FAM135B: variants seen among roughly 807,000 people sequenced by gnomAD.
FAM135B encodes protein FAM135B.
Under a neutral mutation model 127.7 loss-of-function variants are expected in FAM135B, and 43 were observed. The observed-to-expected ratio is 0.34, with a 90% confidence interval of 0.26 to 0.43. The LOEUF is 0.43. FAM135B is among the 20% of genes least tolerant of loss of function. The probability of loss-of-function intolerance (pLI) is 1.00; values close to 1 mark genes in which losing one functional copy is unlikely to be tolerated. For missense variants in FAM135B, 1,558 were observed against 1,725.6 expected, an observed-to-expected ratio of 0.90 and a Z score of 1.72; for synonymous variants, 670 against 665.1, an observed-to-expected ratio of 1.01 and a Z score of -0.11.
intron 1 of FAM135B, among the ~76,000 whole-genome samples, chr8:138,482,034 G>A (rs2131681933): frequency 6.6e-6 from 1 of 152,334 alleles, no homozygotes; most frequent in African/African-American, 2.4e-5. Context: ...TAGTGTATGG[G>A]CTACATTGTC....
intron 1 of FAM135B, among the ~76,000 whole-genome samples, chr8:138,434,637 T>C (rs1835364985): frequency 6.6e-6 from 1 of 152,192 alleles, no homozygotes; most frequent in African/African-American, 2.4e-5. Flanking sequence ...CACAGTTCTC[T>C]TTGGAGATGA....
chr8:138,491,695 G>C (rs1229890129), intron 1 of FAM135B, among the ~76,000 whole-genome samples: 4 of 152,144 alleles, frequency 2.6e-5, no homozygotes, highest in Non-Finnish European at 5.9e-5. Flanking sequence ...GTTCAACAGT[G>C]AACTACGTAA....
chr8:138,413,693 G>GCC (rs1833987489), intron 1 of FAM135B, among the ~76,000 whole-genome samples: 1 of 151,986 alleles, frequency 6.6e-6, no homozygotes, highest in Non-Finnish European at 1.5e-5. Flanking sequence ...AAATCTGAAA[G>GCC]CTACTCAATT....
chr8:138,439,448 C>T (rs1835641231), intron 1 of FAM135B: 2 of 152,152 alleles, frequency 1.3e-5, no homozygotes, highest in Admixed American at 1.3e-4. Flanking sequence ...TTACAAACAC[C>T]AGTCTCATCT....
chr8:138,245,588 C>A (rs539854411), intron 6 of FAM135B, among the ~76,000 whole-genome samples: 2 of 152,150 alleles, frequency 1.3e-5, no homozygotes, highest in African/African-American at 4.8e-5. Context: ...ACCTCTGCCC[C>A]GCAGAACTGT....
chr8:138,249,971 G>A (rs1037316880), intron 6 of FAM135B, among the ~76,000 whole-genome samples: 1 of 152,188 alleles, frequency 6.6e-6, no homozygotes, highest in African/African-American at 2.4e-5. Context: ...TGTCAGTTCT[G>A]TCCCTCTACT....
In FAM135B at chr8:138,166,114, G is replaced by A. The variant is rs1225429592; in HGVS notation, c.1258+1781C>T. 2.0e-5 allele frequency among the ~76,000 whole-genome samples: 3 copies of A among 152,176 alleles called. No homozygotes were observed. In the East Asian group the frequency reaches 5.8e-4, roughly 29 times the overall value. On this transcript the variant is annotated intron_variant, in intron 12 of 19. Coordinates refer to ENST00000395297, the MANE Select transcript of FAM135B (RefSeq NM_015912.4). ...GAACGTCGGCTTTAATAAGCCTTGT[G>A]ATCTTTAATACATGCTTATACTTAG...
At chr8:138,341,023 G>C (rs376199487) in intron 2 of FAM135B, among the ~76,000 whole-genome samples, 1 of 152,192 alleles carries the variant, frequency 6.6e-6, no homozygotes, top group African/African-American at 2.4e-5. Context: ...ACCTAGGAGA[G>C]AAACTGAAAC....
intron 1 of FAM135B, among the ~76,000 whole-genome samples, chr8:138,388,222 C>T (rs879059211): frequency 6.6e-6 from 1 of 152,140 alleles, no homozygotes; most frequent in South Asian, 2.1e-4. Flanking sequence ...TTAGAAGTGC[C>T]AAAATCCAGG....
At chr8:138,307,081 A>C (rs1826317919) in intron 3 of FAM135B, among the ~76,000 whole-genome samples, 2 of 152,174 alleles carry the variant, frequency 1.3e-5, no homozygotes, top group Admixed American at 6.5e-5. Flanking sequence ...GGCACCTGAC[A>C]TGGTTTTGCT....
intron 6 of FAM135B, among the ~76,000 whole-genome samples, chr8:138,247,765 G>A (rs189690760): frequency 6.6e-6 from 1 of 152,118 alleles, no homozygotes; most frequent in Non-Finnish European, 1.5e-5. Flanking sequence ...ATCTTACCAG[G>A]TAACTCTACT....
At chr8:138,244,498 G>A (rs1013832233) in intron 6 of FAM135B, among the ~76,000 whole-genome samples, 1 of 152,156 alleles carries the variant, frequency 6.6e-6, no homozygotes, top group Non-Finnish European at 1.5e-5. Context: ...GGGTCCCATG[G>A]GATAAGCCAG....
chr8:138,286,915 C>T (rs78893955), intron 3 of FAM135B, among the ~76,000 whole-genome samples: 7,617 of 152,314 alleles, frequency 0.05, 262 homozygotes, highest in Non-Finnish European at 0.076. Flanking sequence ...CCAGGCCCAC[C>T]AGTTTACTTC....
chr8:138,286,016 C>T (rs1278797936), intron 3 of FAM135B, among the ~76,000 whole-genome samples: 1 of 152,130 alleles, frequency 6.6e-6, no homozygotes, highest in African/African-American at 2.4e-5. Flanking sequence ...CTTCATAGAA[C>T]TTACACTATA....
At chr8:138,370,979 A>G (rs965187701) in intron 1 of FAM135B, among the ~76,000 whole-genome samples, 1 of 152,118 alleles carries the variant, frequency 6.6e-6, no homozygotes, top group African/African-American at 2.4e-5. Context: ...CCCACACCAG[A>G]CCTACTCAGT....
intron 3 of FAM135B, among the ~76,000 whole-genome samples, chr8:138,274,191 T>G (rs565195496): frequency 6.6e-6 from 1 of 152,304 alleles, no homozygotes; most frequent in Non-Finnish European, 1.5e-5. Flanking sequence ...TGCCCCGATA[T>G]TCACGTAGGT....
At chr8:138,167,848 A>T (rs2130898174) in intron 12 of FAM135B, 47 bp downstream of exon 12, 1 of 1,544,638 alleles carries the variant, frequency 6.5e-7, no homozygotes, top group Non-Finnish European at 8.8e-7. Flanking sequence ...TCAGAATCCC[A>T]CTGGAAAGCC....
intron 2 of FAM135B, among the ~76,000 whole-genome samples, chr8:138,330,032 G>A (rs535110937): frequency 6.6e-5 from 10 of 152,258 alleles, no homozygotes; most frequent in South Asian, 4.2e-4. Context: ...CAGCTAGTTA[G>A]TGGCAAGCTG....
chr8:138,393,683 A>C (rs1832710760), intron 1 of FAM135B, among the ~76,000 whole-genome samples: 1 of 152,132 alleles, frequency 6.6e-6, no homozygotes, highest in Admixed American at 6.5e-5. Context: ...CAGGCAGTTT[A>C]CTTTCCTGCC....
Sources: allele counts gnomAD v4.1 joint callset (sites outside exome capture counted in the v4.1 genomes callset), GRCh38; gene constraint gnomAD v4.1.1; transcripts MANE v1.5; gene names NCBI Gene and HGNC (gene_info 2026-07-23, HGNC 2026-07-21).